The following PDE3A variants were observed in gnomAD, a reference collection of about 807,000 sequenced individuals.
PDE3A encodes phosphodiesterase 3A.
PDE3A carries 43 observed loss-of-function variants against 98.3 expected under a neutral mutation model. The ratio of observed to expected loss-of-function variants is 0.44; its 90% CI spans 0.34 to 0.56. The LOEUF is 0.56. Among genes scored for constraint, PDE3A ranks in the 20% least tolerant of loss-of-function variants. The pLI, the probability that PDE3A is intolerant of heterozygous loss-of-function variation, is 0.01. For missense variants in PDE3A, 1,427 were observed against 1,440.7 expected (o/e 0.99, Z 0.15); for synonymous variants, 663 against 567.9 (o/e 1.17, Z -2.38).
chr12:20,498,116 T>G (rs1279016704), intron 1 of PDE3A, among the ~76,000 whole-genome samples: 1 of 152,184 alleles, frequency 6.6e-6, no homozygotes, highest in Non-Finnish European at 1.5e-5. Context: ...TTTCCATTTA[T>G]CCATATCAAG....
intron 1 of PDE3A, among the ~76,000 whole-genome samples, chr12:20,554,649 C>T (rs575712708): frequency 3.3e-5 from 5 of 150,674 alleles, no homozygotes; most frequent in Middle Eastern, 3.4e-3. Flanking sequence ...TGCAGCAGCG[C>T]GATCTCAGCT....
chr12:20,456,342 C>T (rs1945150914), intron 1 of PDE3A, among the ~76,000 whole-genome samples: 2 of 152,070 alleles, frequency 1.3e-5, no homozygotes, highest in South Asian at 4.1e-4. Context: ...TGTAATATAT[C>T]ATACCACCAA....
intron 9 of PDE3A, among the ~76,000 whole-genome samples, chr12:20,638,805 G>A (rs548799857): frequency 1.5e-4 from 23 of 151,876 alleles, no homozygotes; most frequent in African/African-American, 5.5e-4. Flanking sequence ...TATATTTGAT[G>A]TATATCTCAC....
chr12:20,587,424 C>G (rs368195991), intron 2 of PDE3A, among the ~76,000 whole-genome samples: 182 of 128,454 alleles, frequency 1.4e-3, no homozygotes, highest in African/African-American at 5.2e-3. Flanking sequence ...ATACCATGTA[C>G]AAATATTGGG....
intron 1 of PDE3A, among the ~76,000 whole-genome samples, chr12:20,515,598 C>A (rs1344229351): frequency 6.6e-6 from 1 of 152,200 alleles, no homozygotes; most frequent in Non-Finnish European, 1.5e-5. Context: ...CTACAATAAA[C>A]TGACCTTCCA....
intron 1 of PDE3A, among the ~76,000 whole-genome samples, chr12:20,386,020 T>A (rs1265787951): frequency 1.8e-4 from 11 of 61,796 alleles, no homozygotes; most frequent in South Asian, 8.0e-4. Context: ...ATATATAAAA[T>A]ATATATATAA....
intron 1 of PDE3A, among the ~76,000 whole-genome samples, chr12:20,403,597 G>A (rs561382530): frequency 3.6e-4 from 55 of 152,096 alleles, no homozygotes; most frequent in Non-Finnish European, 4.3e-4. Context: ...TGAAGAGCTT[G>A]TTGGAATTGC....
intron 1 of PDE3A, among the ~76,000 whole-genome samples, chr12:20,469,891 A>T (rs920976531): frequency 3.9e-5 from 6 of 152,214 alleles, no homozygotes; most frequent in African/African-American, 1.4e-4. Context: ...GTCAGTGTTC[A>T]GAATGAAGGC....
At chr12:20,602,352 T>G (rs1004560659) in intron 2 of PDE3A, among the ~76,000 whole-genome samples, 2 of 152,220 alleles carry the variant, frequency 1.3e-5, no homozygotes, top group African/African-American at 4.8e-5. Flanking sequence ...TTCCATTTCC[T>G]AAATAATAAA....
At chr12:20,493,040 A>G (rs1329512774) in intron 1 of PDE3A, among the ~76,000 whole-genome samples, 1 of 152,204 alleles carries the variant, frequency 6.6e-6, no homozygotes, top group Non-Finnish European at 1.5e-5. Flanking sequence ...CCAATAATAT[A>G]GGGTTATTAT....
At chr12:20,420,720 A>G (rs1944498325) in intron 1 of PDE3A, among the ~76,000 whole-genome samples, 1 of 152,126 alleles carries the variant, frequency 6.6e-6, no homozygotes, top group South Asian at 2.1e-4. Flanking sequence ...CCGGCTGTGG[A>G]GTGCTGAATA....
Position 20,671,389 on chromosome 12 carries a change from A to G in PDE3A, c.3185-8641A>G, listed in dbSNP as rs529170528. 2.0e-5 allele frequency among the ~76,000 whole-genome samples: 3 copies of G among 152,310 alleles called. No individual in the cohort carries two copies. In the South Asian group the frequency reaches 6.2e-4, roughly 32 times the overall value. ...CCTGATACCGAAGCCAGGCAGAGAC[A>G]CAACAAAAAAAGATAATTTTAGACC... On this transcript the variant is annotated intron_variant, in intron 15 of 15. Coordinates refer to ENST00000359062, the MANE Select transcript of PDE3A (RefSeq NM_000921.5).
intron 2 of PDE3A, among the ~76,000 whole-genome samples, chr12:20,601,132 C>T (rs1010980183): frequency 3.9e-5 from 6 of 152,248 alleles, no homozygotes; most frequent in East Asian, 1.9e-4. Flanking sequence ...AAAGCTGAAT[C>T]GAGAATTGTG....
At chr12:20,382,926 C>G (rs1274012931) in intron 1 of PDE3A, among the ~76,000 whole-genome samples, 1 of 151,862 alleles carries the variant, frequency 6.6e-6, no homozygotes, top group Non-Finnish European at 1.5e-5. Flanking sequence ...ACTCACAAGT[C>G]TTACAAAATA....
In PDE3A at chr12:20,630,198, C is replaced by T. The variant is rs941447283; in HGVS notation, c.1760+71C>T. On this transcript the variant is annotated intron_variant, in intron 6 of 15. Coordinates refer to ENST00000359062, the MANE Select transcript of PDE3A (RefSeq NM_000921.5). The stretch of plus-strand genomic sequence containing the variant: ...AGTTTTCCCCTAGAAATACCTACCA[C>T]CAGCCCACGCAGCTTGGGGTAGGTT... The T allele has an allele frequency of 2.0e-4, 215 of 1,099,086 alleles. 2 individuals carry two copies. The highest frequency in any genetic ancestry group is 4.6e-5 in the African/African-American group (3 of 64,580). The allele number at this position is 1,099,086 out of a possible 1,614,324, so 68.1% of individuals were successfully genotyped here. A position where few individuals can be genotyped will look rare whatever the true frequency, so the allele number is the denominator to read the frequency against.
At chr12:20,540,497 C>T (rs1941865846) in intron 1 of PDE3A, among the ~76,000 whole-genome samples, 1 of 151,882 alleles carries the variant, frequency 6.6e-6, no homozygotes, top group African/African-American at 2.4e-5. Context: ...TGGGGCACAC[C>T]CTGCAACCAG....
chr12:20,475,178 A>AGT (rs71442249), intron 1 of PDE3A, among the ~76,000 whole-genome samples: 10,267 of 92,296 alleles, frequency 0.11, 368 homozygotes, highest in South Asian at 0.15. Flanking sequence ...AATGTGTGTG[A>AGT]GTGTGTGTGT....
intron 1 of PDE3A, among the ~76,000 whole-genome samples, chr12:20,471,814 C>G (rs1031124269): frequency 5.3e-5 from 8 of 152,078 alleles, no homozygotes; most frequent in Admixed American, 4.6e-4. Context: ...GGTTATCTTT[C>G]TGATTTTTTT....
At chr12:20,386,144 T>TATATATAAATATATAAAA (rs1943785786) in intron 1 of PDE3A, among the ~76,000 whole-genome samples, 3 of 26,518 alleles carry the variant, frequency 1.1e-4, no homozygotes, top group Non-Finnish European at 1.3e-4. Flanking sequence ...TATATATAAA[T>TATATATAAATATATAAAA]ATATATATAA....
Sources: gnomAD v4.1 joint callset for allele counts (sites outside exome capture counted in the v4.1 genomes callset) on GRCh38, gnomAD v4.1.1 for gene constraint, MANE v1.5 for transcripts, NCBI Gene and HGNC (gene_info 2026-07-23, HGNC 2026-07-21) for gene names.